MLXIPL: variants seen among roughly 807,000 people sequenced by gnomAD.
The protein encoded by MLXIPL is MLX interacting protein like.
MLXIPL carries 49 observed loss-of-function variants against 81.5 expected under a neutral mutation model. That is an observed-to-expected ratio of 0.60 (90% CI 0.48 to 0.76). MLXIPL has a LOEUF of 0.76. Ranked by LOEUF, MLXIPL falls within the 30% of genes least tolerant of loss-of-function variation. The pLI, the probability that MLXIPL is intolerant of heterozygous loss-of-function variation, is 0.00. For synonymous variants in MLXIPL, 466 were observed against 485.5 expected (o/e 0.96, Z 0.53); for missense variants, 1,053 against 1,167.0 (o/e 0.90, Z 1.42).
At chr7:73,601,041 C>T (rs1794777138) in intron 7 of MLXIPL, among the ~76,000 whole-genome samples, 1 of 151,830 alleles carries the variant, frequency 6.6e-6, no homozygotes, top group Non-Finnish European at 1.5e-5. Flanking sequence ...CTGGGTGGGC[C>T]CCAGCTCCCA....
rs1554603033 is a variant in MLXIPL at position 73,624,286 on chromosome 7, C to T, written c.207G>A (p.Glu69=). 3.8e-6 allele frequency: 6 copies of T among 1,587,476 alleles called. No homozygotes were observed. The highest frequency in any genetic ancestry group is 5.1e-6 in the Non-Finnish European group (6 of 1,168,652). ...CGAAGTCGGAGGGCCCCACGGACCC[C>T]TCCTGGTCGCGCCGCCGGGGCAGCG... ...SDSLPRRRDQ[E]GSVGPSDFGP... The change falls in exon 1 of 17, where the codon GAG becomes GAA. Residue 69 remains glutamate, a synonymous_variant. Transcript: ENST00000313375.
chr7:73,622,489 CA>C (rs1194006278), intron 1 of MLXIPL, among the ~76,000 whole-genome samples: 593 of 119,012 alleles, frequency 5.0e-3, no homozygotes, highest in Middle Eastern at 8.8e-3. Context: ...AACTCTGTCT[CA>C]AAAAAAAAAA....
rs1554602647 is a variant in MLXIPL, at chr7:73,623,068, G to T, written c.293+1132C>A. ...GCCCTGGCCGATCGGGTTGCAACAT[G>T]ACCTGGGCCAGGGGCCAGAGCTTGT... On this transcript the variant is annotated intron_variant, in intron 1 of 16. Transcript: ENST00000313375. The surrounding 1 kb of genome is among the most constrained non-coding windows in gnomAD (Gnocchi z 5.7). 6.6e-6 allele frequency among the ~76,000 whole-genome samples: 1 copy of T among 152,162 alleles called. No homozygotes were observed. The highest frequency in any genetic ancestry group is 2.4e-5 in the African/African-American group (1 of 41,458).
chr7:73,625,077 C>T (rs1365663018), upstream of MLXIPL, among the ~76,000 whole-genome samples: 1 of 151,932 alleles, frequency 6.6e-6, no homozygotes, highest in Admixed American at 6.6e-5. Flanking sequence ...CTAGCTACTC[C>T]GAAGGCTGAA....
intron 2 of MLXIPL, among the ~76,000 whole-genome samples, 181 bp from the exon 3 acceptor site, chr7:73,607,853 C>CTTTTCCT (rs1795427072): frequency 2.7e-5 from 3 of 110,360 alleles, no homozygotes; most frequent in Non-Finnish European, 5.5e-5. Context: ...CTAGATCTTC[C>CTTTTCCT]TTTTTTTTTT....
In MLXIPL at chr7:73,623,294, G is replaced by T. The variant is rs1429151257; in HGVS notation, c.293+906C>A. Among the ~76,000 whole-genome samples, 1 of 152,240 alleles carries T rather than the reference G, an allele frequency of 6.6e-6. No homozygotes were observed. The highest frequency in any genetic ancestry group is 1.5e-5 in the Non-Finnish European group (1 of 68,048). On this transcript the variant is annotated intron_variant, in intron 1 of 16. Transcript: ENST00000313375. The surrounding 1 kb of genome is among the most constrained non-coding windows in gnomAD (Gnocchi z 5.7). ...AATATTTGCACAGAGAAAAGATCAA[G>T]GCCGGCCGATCCCCCTTTCTCCCCT...
intron 1 of MLXIPL, among the ~76,000 whole-genome samples, chr7:73,619,404 T>C (rs1205387747): frequency 2.7e-5 from 4 of 147,780 alleles, no homozygotes; most frequent in Middle Eastern, 3.3e-3. Context: ...GAGTTTGCAG[T>C]GAGCCGAGAT....
chr7:73,595,487 T>C, intron 15 of MLXIPL, 150 bp downstream of exon 15: 9 of 1,566,086 alleles, frequency 5.7e-6, no homozygotes, highest in South Asian at 2.3e-5. Context: ...GGCCAGGGCA[T>C]GGAAGCAGGG....
At chr7:73,607,116 A>G in intron 4 of MLXIPL, 98 bp from the exon 5 acceptor site, 1 of 1,482,078 alleles carries the variant, frequency 6.7e-7, no homozygotes. Context: ...GAGATCCCCC[A>G]TTTCCCATCA....
chr7:73,607,468 C>A (rs782379056), intron 3 of MLXIPL, 48 bp from the exon 4 acceptor site: 4 of 1,512,364 alleles, frequency 2.6e-6, no homozygotes, highest in Admixed American at 1.9e-5. Flanking sequence ...GGGAGCACCG[C>A]ACACCCATCT....
At chr7:73,640,287 C>T in the MLXIPL span, among the ~76,000 whole-genome samples, 1 of 150,996 alleles carries the variant, frequency 6.6e-6, no homozygotes, top group Non-Finnish European at 1.5e-5. Context: ...CACCTGTAGT[C>T]CCAGCTTCTT....
At chr7:73,618,821 C>A (rs781838194) in intron 1 of MLXIPL, among the ~76,000 whole-genome samples, 29 of 152,196 alleles carry the variant, frequency 1.9e-4, no homozygotes, top group Non-Finnish European at 3.1e-4. Context: ...ATCCCAGCAA[C>A]CTCCCAGCCC....
rs1796514531 is a variant in MLXIPL, at chr7:73,623,452, T to G, written c.293+748A>C. On this transcript the variant is annotated intron_variant, in intron 1 of 16. Transcript: ENST00000313375. This position sits in a 1 kb window ranked among gnomAD's most constrained non-coding sequence, Gnocchi z 5.7. ...TGGAGCGGCAGCGGGGCGCGGCCTG[T>G]GCGCTCTCGGTGGCACTAAGCGGGG... Among the ~76,000 whole-genome samples, 1 of 151,916 alleles carries G rather than the reference T, an allele frequency of 6.6e-6. No individual in the cohort carries two copies. The highest frequency in any genetic ancestry group is 1.5e-5 in the Non-Finnish European group (1 of 67,986).
the MLXIPL span, among the ~76,000 whole-genome samples, chr7:73,630,243 C>T: frequency 4.6e-5 from 7 of 150,672 alleles, no homozygotes; most frequent in East Asian, 1.9e-4. Context: ...GTTATCTGCC[C>T]GCCTCGGCCT....
chr7:73,618,704 G>C (rs575510675), intron 1 of MLXIPL, among the ~76,000 whole-genome samples: 1 of 151,594 alleles, frequency 6.6e-6, no homozygotes, highest in East Asian at 1.9e-4. Flanking sequence ...CCATCTGTTT[G>C]GTAGGGAGAC....
At position 73,597,315 on chromosome 7, in the gene MLXIPL, C is replaced by A; in HGVS notation, c.1470G>T (p.Met490Ile). The change falls in exon 9 of 17, where the codon ATG (methionine) becomes ATT (isoleucine). Residue 490 changes from methionine to isoleucine, a missense_variant. Met to Ile is a conservative substitution (Grantham distance 10, BLOSUM62 1). Coordinates refer to ENST00000313375, the MANE Select transcript of MLXIPL (RefSeq NM_032951.3). ...ATGGGGCGGGGGGCTTGCCTCTGGG[C>A]ATGGAGAAGCAAGGCCCAAAGGCAG... ...SEPAFGPCFS[M>I]PRGKPPAPSP... 6.4e-7 allele frequency: 1 copy of A among 1,552,752 alleles called. No individual in the cohort carries two copies. The highest frequency in any genetic ancestry group is 1.2e-5 in the South Asian group (1 of 83,226).
chr7:73,599,533 C>T lies in MLXIPL; in HGVS notation c.1064G>A (p.Arg355His), dbSNP rs782082646. Residue 355 changes from arginine to histidine, a missense_variant, in exon 8 of 17, where the codon CGT becomes CAT. This residue lies in a region of MLXIPL where 823 missense variants were observed against 933.0 expected (regional missense o/e 0.88). Transcript: ENST00000313375. Reference protein sequence around the residue: ...SAMTHLSGHSRLQARNSCPGP... With the variant: ...SAMTHLSGHSHLQARNSCPGP... ...GGGGTGGGGTGAGCTCACCTGCAGA[C>T]GGCTGTGTCCAGAGAGGTGGGTCAT... 70 of 1,612,680 alleles carry T rather than the reference C, an allele frequency of 4.3e-5. No homozygotes were observed. The highest frequency in any genetic ancestry group is 1.7e-4 in the Middle Eastern group (1 of 5,856).
At chr7:73,630,589 G>A in the MLXIPL span, among the ~76,000 whole-genome samples, 5 of 152,080 alleles carry the variant, frequency 3.3e-5, no homozygotes, top group East Asian at 1.9e-4. Context: ...CACTGTGCCC[G>A]GCCTACCCTT....
intron 1 of MLXIPL, among the ~76,000 whole-genome samples, chr7:73,620,376 C>G (rs1042370359): frequency 6.6e-6 from 1 of 151,818 alleles, no homozygotes; most frequent in Non-Finnish European, 1.5e-5. Context: ...TGTACTCCAG[C>G]TTGAGTGTCA....
Sources: gnomAD v4.1 joint callset for allele counts (sites outside exome capture counted in the v4.1 genomes callset) on GRCh38, gnomAD v4.1.1 for gene constraint, gnomAD v4.1.1 regional missense constraint, Gnocchi (gnomAD v3.1) non-coding constraint, MANE v1.5 for transcripts, NCBI Gene and HGNC (gene_info 2026-07-23, HGNC 2026-07-21) for gene names.